The following NSD2 variants were observed in gnomAD, a reference collection of about 807,000 sequenced individuals.
The protein encoded by NSD2 is histone-lysine N-methyltransferase NSD2.
Under a neutral mutation model 139.0 loss-of-function variants are expected in NSD2, and 12 were observed. The ratio of observed to expected loss-of-function variants is 0.09; its 90% confidence interval spans 0.06 to 0.14. The LOEUF (loss-of-function observed/expected upper bound fraction) is 0.14, where lower values mean the gene tolerates loss of function less well. Ranked by LOEUF, NSD2 falls within the 10% of genes least tolerant of loss-of-function variation. NSD2 has a pLI of 1.00. For synonymous variants in NSD2, 669 were observed against 648.7 expected (o/e 1.03, Z -0.48); for missense variants, 1,155 against 1,745.0 (o/e 0.66, Z 6.02).
chr4:1,951,035 C>T (rs780113838), intron 9 of NSD2, 37 bp from the exon 10 acceptor site: 28 of 1,610,544 alleles, frequency 1.7e-5, no homozygotes, highest in African/African-American at 5.3e-5. Flanking sequence ...CTGTGTTCTG[C>T]GACTAGTGAA....
rs1222051712 is a variant in NSD2 at position 1,948,693 on chromosome 4, A to G, written c.1882-2379A>G. 2 of 1,054,710 alleles carry G rather than the reference A, an allele frequency of 1.9e-6. No individual in the cohort carries two copies. Among genetic ancestry groups the G allele is most frequent in the African/African-American group, 1.7e-5 (1 of 60,330 alleles). The allele number at this position is 1,054,710 out of a possible 1,614,324, so 65.3% of individuals were successfully genotyped here. ...GTGTCGTTAACATTTATATATTTCC[A>G]TTCAAAATATGTATTCAGTGTTTAT... On this transcript the variant is annotated intron_variant, in intron 9 of 21. Transcript: ENST00000508803. This position sits in a 1 kb window ranked among gnomAD's most constrained non-coding sequence, Gnocchi z 4.5.
chr4:1,937,519 G>A (rs566894356), intron 7 of NSD2, among the ~76,000 whole-genome samples: 2 of 152,114 alleles, frequency 1.3e-5, no homozygotes, highest in East Asian at 3.9e-4. Context: ...CCTATCTCAG[G>A]AGATAGCACA....
At position 1,956,459 on chromosome 4, in the gene NSD2, A is replaced by C. The variant is rs1724811470; in HGVS notation, c.2881+271A>C. Among the ~76,000 whole-genome samples, 1 of 152,204 alleles carries C rather than the reference A, an allele frequency of 6.6e-6. No homozygotes were observed. Among genetic ancestry groups the C allele is most frequent in the Admixed American group, 6.5e-5 (1 of 15,282 alleles). ...ATTATTTTTAATACTAATTTACAGA[A>C]ATGTTCCATGGCTTGCCTTTATGTA... On this transcript the variant is annotated intron_variant, in intron 15 of 21. Coordinates refer to ENST00000508803, the MANE Select transcript of NSD2 (RefSeq NM_001042424.3). This position sits in a 1 kb window ranked among gnomAD's most constrained non-coding sequence, Gnocchi z 5.3.
At chr4:1,886,200 T>C (rs2108686751) in intron 1 of NSD2, among the ~76,000 whole-genome samples, 1 of 152,208 alleles carries the variant, frequency 6.6e-6, no homozygotes, top group Non-Finnish European at 1.5e-5. Flanking sequence ...CTTTCAGCTG[T>C]TTCCTTTTTT....
In NSD2 at chr4:1,979,557, T is replaced by C. The variant is rs964742230; in HGVS notation, c.*648T>C. On this transcript the variant is annotated 3_prime_UTR_variant, in exon 22 of 22. Transcript: ENST00000508803. ...TAAGATTTCCTCCCGTAGTTTTTTC[T>C]CCTCATGGATTTGAATGAAATGCCA... 4.3e-6 allele frequency: 1 copy of C among 233,034 alleles called. No homozygotes were observed. The highest frequency in any genetic ancestry group is 8.5e-6 in the Non-Finnish European group (1 of 117,914). 14.4% of individuals were successfully genotyped at this position (233,034 alleles called of 1,614,324 possible). A position where few individuals can be genotyped will look rare whatever the true frequency, so the allele number is the denominator to read the frequency against.
chr4:1,887,479 T>C (rs1715199372), intron 1 of NSD2: 3 of 152,162 alleles, frequency 2.0e-5, no homozygotes, highest in Non-Finnish European at 1.5e-5. Context: ...ATTGACCATC[T>C]TTATTTATAT....
intron 18 of NSD2, 50 bp downstream of exon 18, chr4:1,961,201 C>T (rs762065468): frequency 4.8e-6 from 7 of 1,464,730 alleles, no homozygotes; most frequent in Admixed American, 3.5e-5. Context: ...GACCTGGAGC[C>T]CTGATGGTCA....
At chr4:1,926,150 AT>A (rs35448464) in intron 5 of NSD2, among the ~76,000 whole-genome samples, 3,329 of 121,510 alleles carry the variant, frequency 0.027, 97 homozygotes, top group African/African-American at 0.083. Context: ...TTGGGCCTGA[AT>A]TTTTTTTTTT....
chr4:1,962,965 A>C (rs770096134), intron 18 of NSD2, among the ~76,000 whole-genome samples: 40 of 152,202 alleles, frequency 2.6e-4, no homozygotes, highest in Non-Finnish European at 4.9e-4. Flanking sequence ...CATTCCTCTC[A>C]GGGCCCTGTC....
At chr4:1,913,448 C>CTG (rs1248447331) in intron 3 of NSD2, among the ~76,000 whole-genome samples, 2 of 152,278 alleles carry the variant, frequency 1.3e-5, no homozygotes, top group African/African-American at 4.8e-5. Context: ...CCCTGTGATG[C>CTG]TGTGCTTCAG....
At position 1,929,405 on chromosome 4, in the gene NSD2, G is replaced by A. The variant is rs185650940; in HGVS notation, c.1411-1221G>A. ...TGCCAGGTGGAGTGTTACTGCCCCCGTTTCACAGAGTGGAGGCAGAGACAG... is the reference window on the plus strand; with the variant it reads ...TGCCAGGTGGAGTGTTACTGCCCCCATTTCACAGAGTGGAGGCAGAGACAG... On this transcript the variant is annotated intron_variant, in intron 5 of 21. Transcript: ENST00000508803. Among the ~76,000 whole-genome samples, 104 of 152,240 alleles carry A rather than the reference G, an allele frequency of 6.8e-4. 1 individual carries two copies. The highest frequency in any genetic ancestry group is 1.9e-3 in the African/African-American group (79 of 41,532).
At chr4:1,965,304 CAAAA>C (rs897355566) in intron 18 of NSD2, among the ~76,000 whole-genome samples, 1 of 151,722 alleles carries the variant, frequency 6.6e-6, no homozygotes, top group Non-Finnish European at 1.5e-5. Flanking sequence ...GAGAAACAAA[CAAAA>C]AAAGGAATTG....
chr4:1,980,040 A>G lies in NSD2; in HGVS notation c.*1131A>G. ...CTGTGGGTCTGGTGATGGAAGATGC[A>G]GTCTCTGCTGATCACATGTGCCCTC... On this transcript the variant is annotated 3_prime_UTR_variant, in exon 22 of 22. Coordinates refer to ENST00000508803, the MANE Select transcript of NSD2 (RefSeq NM_001042424.3). 4.3e-6 allele frequency: 1 copy of G among 233,106 alleles called. No homozygotes were observed. Among genetic ancestry groups the G allele is most frequent in the Non-Finnish European group, 8.5e-6 (1 of 117,936 alleles). The allele number at this position is 233,106 out of a possible 1,614,324, so 14.4% of individuals were successfully genotyped here.
In NSD2 at chr4:1,972,086, G is replaced by C. The variant is rs1391973534; in HGVS notation, c.3373-2777G>C. Reference sequence around the variant, plus strand: ...CAAGAGGCAAACAGTGTCTCTCGGAGAATGTGACGGCTGTGTTTGGTGATG... The same window carrying C: ...CAAGAGGCAAACAGTGTCTCTCGGACAATGTGACGGCTGTGTTTGGTGATG... On this transcript the variant is annotated intron_variant, in intron 18 of 21. Coordinates refer to ENST00000508803, the MANE Select transcript of NSD2 (RefSeq NM_001042424.3). This position sits in a 1 kb window ranked among gnomAD's most constrained non-coding sequence, Gnocchi z 4.0. Among the ~76,000 whole-genome samples the C allele has an allele frequency of 1.3e-5, 2 of 152,218 alleles. No individual in the cohort carries two copies. The highest frequency in any genetic ancestry group is 2.9e-5 in the Non-Finnish European group (2 of 68,042).
At chr4:1,933,984 TG>T (rs1721997450) in intron 6 of NSD2, among the ~76,000 whole-genome samples, 1 of 152,106 alleles carries the variant, frequency 6.6e-6, no homozygotes, top group Admixed American at 6.5e-5. Context: ...CTACTTAACA[TG>T]TTTAAGGAAA....
At position 1,922,798 on chromosome 4, in the gene NSD2, C is replaced by T. The variant is rs964199952; in HGVS notation, c.1410+4175C>T. On this transcript the variant is annotated intron_variant, in intron 5 of 21. Coordinates refer to ENST00000508803, the MANE Select transcript of NSD2 (RefSeq NM_001042424.3). The stretch of plus-strand genomic sequence containing the variant: ...GAAATTAGTTGGGCATGGTGGCAGG[C>T]GCCTGTAATCCCAGCTACTCGGGAG... Among the ~76,000 whole-genome samples, 11 of 152,242 alleles carry T rather than the reference C, an allele frequency of 7.2e-5. No individual in the cohort carries two copies. In the East Asian group the frequency reaches 9.6e-4, roughly 13 times the overall value.
chr4:1,947,431 C>A, intron 9 of NSD2: 1 of 1,059,558 alleles, frequency 9.4e-7, no homozygotes, highest in Non-Finnish European at 1.1e-6. Context: ...TGGAGACTTC[C>A]TCTGTTCTCA....
At chr4:1,885,818 A>G (rs1479768082) in intron 1 of NSD2, among the ~76,000 whole-genome samples, 1 of 152,064 alleles carries the variant, frequency 6.6e-6, no homozygotes, top group Admixed American at 6.6e-5. Context: ...CTCTTCCCTC[A>G]GGACAAGTTC....
chr4:1,953,647 T>A, intron 12 of NSD2, 123 bp downstream of exon 12: 1 of 1,235,588 alleles, frequency 8.1e-7, no homozygotes, highest in Non-Finnish European at 1.1e-6. Context: ...CTTGAGTGAC[T>A]AACTGGACAT....
Sources: gnomAD v4.1 joint callset for allele counts (sites outside exome capture counted in the v4.1 genomes callset) on GRCh38, gnomAD v4.1.1 for gene constraint, Gnocchi (gnomAD v3.1) non-coding constraint, MANE v1.5 for transcripts, NCBI Gene and HGNC (gene_info 2026-07-23, HGNC 2026-07-21) for gene names.